UGT1A9: variants seen among roughly 807,000 people sequenced by gnomAD.
UGT1A9 encodes the protein UDP glucuronosyltransferase family 1 member A9, also known as UDP-glucuronosyltransferase 1A9.
A neutral mutation model predicts 45.0 loss-of-function variants in UGT1A9; 35 were observed. The observed-to-expected ratio is 0.78, with a 90% CI of 0.59 to 1.03. The LOEUF is 1.03. Among genes scored for constraint, UGT1A9 ranks in the 50% least tolerant of loss-of-function variants. The pLI, the probability that UGT1A9 is intolerant of heterozygous loss-of-function variation, is 0.00. For synonymous variants in UGT1A9, 278 were observed against 250.6 expected (o/e 1.11, Z -1.03); for missense variants, 687 against 666.6 (o/e 1.03, Z -0.34).
intron 1 of UGT1A9, among the ~76,000 whole-genome samples, chr2:233,675,243 G>C (rs147327316): frequency 1.0e-3 from 154 of 152,146 alleles, no homozygotes; most frequent in African/African-American, 2.5e-3. Flanking sequence ...GATTTGGAGG[G>C]GACAAACTTC....
chr2:233,719,044 T>C (rs2076716677), intron 1 of UGT1A9: 2 of 1,614,154 alleles, frequency 1.2e-6, no homozygotes, highest in African/African-American at 1.3e-5. Flanking sequence ...GAGAAATTTT[T>C]CACCCTGACA....
intron 1 of UGT1A9, among the ~76,000 whole-genome samples, chr2:233,730,779 G>A (rs1359595919): frequency 1.3e-5 from 2 of 152,152 alleles, no homozygotes; most frequent in African/African-American, 4.8e-5. Context: ...GCCCAGTGAA[G>A]CTGGGGACAG....
chr2:233,673,598 C>G (rs1303599385), intron 1 of UGT1A9, among the ~76,000 whole-genome samples: 5 of 152,078 alleles, frequency 3.3e-5, no homozygotes, highest in Non-Finnish European at 5.9e-5. Flanking sequence ...GTATGTCTCA[C>G]TATTTATTCA....
At chr2:233,740,525 C>G (rs1027411226) in intron 1 of UGT1A9, among the ~76,000 whole-genome samples, 1 of 151,910 alleles carries the variant, frequency 6.6e-6, no homozygotes, top group Non-Finnish European at 1.5e-5. Context: ...GAACTAAAAT[C>G]AGCTGTGTTG....
intron 1 of UGT1A9, among the ~76,000 whole-genome samples, chr2:233,762,717 GTTT>G (rs34681509): frequency 7.1e-6 from 1 of 141,162 alleles, no homozygotes. Context: ...ATTTTACACG[GTTT>G]TTTTTTTTTG....
At chr2:233,694,590 T>G (rs2075228604) in intron 1 of UGT1A9, among the ~76,000 whole-genome samples, 1 of 152,230 alleles carries the variant, frequency 6.6e-6, no homozygotes, top group Non-Finnish European at 1.5e-5. Flanking sequence ...ATTTACAACT[T>G]TGAAGGGCTT....
intron 1 of UGT1A9, among the ~76,000 whole-genome samples, chr2:233,759,704 G>A (rs891688930): frequency 3.4e-4 from 52 of 151,494 alleles, no homozygotes; most frequent in African/African-American, 1.2e-3. Flanking sequence ...CTCATGGCGC[G>A]TGCTCGTGTG....
rs34526305 is a variant in UGT1A9 at position 233,760,428 on chromosome 2, C to T, written c.856-6606C>T. The T allele has an allele frequency of 1.7e-3, 2,732 of 1,614,194 alleles. 18 individuals carry two copies. Among genetic ancestry groups the T allele is most frequent in the Middle Eastern group, 9.2e-3 (56 of 6,062 alleles). ...ACTGGCTGAGCATGCTTGGGGCCAT[C>T]CAGCAGCTGCAGCAGAGGGGACATG... On this transcript the variant is annotated intron_variant, in intron 1 of 4. Coordinates refer to ENST00000354728, the MANE Select transcript of UGT1A9 (RefSeq NM_021027.3).
intron 1 of UGT1A9, among the ~76,000 whole-genome samples, chr2:233,759,307 A>C (rs936926400): frequency 6.6e-6 from 1 of 152,192 alleles, no homozygotes; most frequent in Non-Finnish European, 1.5e-5. Context: ...TGAGTGGCTG[A>C]GGTGGGTGAG....
chr2:233,767,749 G>A (rs1699471404), intron 2 of UGT1A9, 100 bp from the exon 3 acceptor site: 1 of 1,594,036 alleles, frequency 6.3e-7, no homozygotes, highest in African/African-American at 1.3e-5. Context: ...GTTAAAGACT[G>A]TTCCTTCAGA....
chr2:233,745,345 T>C (rs1184068068), intron 1 of UGT1A9, among the ~76,000 whole-genome samples: 1 of 151,834 alleles, frequency 6.6e-6, no homozygotes, highest in Non-Finnish European at 1.5e-5. Flanking sequence ...ACCATGAATT[T>C]TGGGGGAATT....
intron 1 of UGT1A9, among the ~76,000 whole-genome samples, chr2:233,733,971 G>T (rs927832512): frequency 6.6e-6 from 1 of 152,028 alleles, no homozygotes; most frequent in East Asian, 1.9e-4. Flanking sequence ...TAGGGGGAGC[G>T]GGGAGGGATA....
At chr2:233,757,745 C>T (rs1696711859) in intron 1 of UGT1A9, among the ~76,000 whole-genome samples, 1 of 151,332 alleles carries the variant, frequency 6.6e-6, no homozygotes. Context: ...GGGCACTGGA[C>T]ATGTTTATGT....
Position 233,767,538 on chromosome 2 carries a change from C to A in UGT1A9, c.988-311C>A, listed in dbSNP as rs1409490941. 5.3e-5 allele frequency among the ~76,000 whole-genome samples: 8 copies of A among 152,212 alleles called. No homozygotes were observed. The East Asian group carries it at 1.5e-3, about 29-fold the overall frequency. On this transcript the variant is annotated intron_variant, in intron 2 of 4. Transcript: ENST00000354728. ...ACTGAATTTATGTCTTACATTTCTGCTCTTATAGTTCTGCATCCACTTGTT... is the reference window on the plus strand; with the variant it reads ...ACTGAATTTATGTCTTACATTTCTGATCTTATAGTTCTGCATCCACTTGTT...
intron 1 of UGT1A9, among the ~76,000 whole-genome samples, chr2:233,711,740 G>A (rs866118094): frequency 2.6e-5 from 4 of 152,188 alleles, no homozygotes; most frequent in Non-Finnish European, 5.9e-5. Flanking sequence ...TGGCAGACAC[G>A]GCCAGGCATG....
intron 1 of UGT1A9, among the ~76,000 whole-genome samples, chr2:233,735,108 G>A (rs1171222877): frequency 3.9e-5 from 6 of 152,182 alleles, no homozygotes; most frequent in Non-Finnish European, 8.8e-5. Context: ...AATATCGACA[G>A]TGGGATGTTA....
At chr2:233,689,904 G>A in intron 1 of UGT1A9, 2 of 456,704 alleles carry the variant, frequency 4.4e-6, no homozygotes, top group Non-Finnish European at 8.8e-6. Flanking sequence ...CTCAGGGCCA[G>A]GTAGGTGCCT....
At chr2:233,757,551 T>C (rs9711503) in intron 1 of UGT1A9, among the ~76,000 whole-genome samples, 892 of 76,060 alleles carry the variant, frequency 0.012, 7 homozygotes, top group South Asian at 0.018. Flanking sequence ...TATATATATA[T>C]ATATATATAT....
At chr2:233,767,761 G>A in intron 2 of UGT1A9, 88 bp from the exon 3 acceptor site, 6 of 1,606,158 alleles carry the variant, frequency 3.7e-6, no homozygotes, top group Non-Finnish European at 5.1e-6. Context: ...TCCTTCAGAG[G>A]ACCCCTGTTT....
Sources: allele counts gnomAD v4.1 joint callset (sites outside exome capture counted in the v4.1 genomes callset), GRCh38; gene constraint gnomAD v4.1.1; transcripts MANE v1.5; gene names NCBI Gene and HGNC (gene_info 2026-07-23, HGNC 2026-07-21).